Variants in ARIH2 observed in about 807,000 individuals in gnomAD.
ARIH2 encodes the protein E3 ubiquitin-protein ligase ARIH2.
ARIH2 carries 12 observed loss-of-function variants against 79.8 expected under a neutral mutation model. The observed-to-expected ratio is 0.15, with a 90% CI of 0.10 to 0.24. The LOEUF (loss-of-function observed/expected upper bound fraction) is 0.24, where lower values mean the gene tolerates loss of function less well. Ranked by LOEUF, ARIH2 falls within the 10% of genes least tolerant of loss-of-function variation. The probability of loss-of-function intolerance (pLI) is 1.00; values close to 1 mark genes in which losing one functional copy is unlikely to be tolerated. For synonymous variants in ARIH2, 224 were observed against 213.9 expected (o/e 1.05, Z -0.41); for missense variants, 301 against 618.3 (o/e 0.49, Z 5.44).
At chr3:48,944,946 C>T in intron 3 of ARIH2, 1 of 402,398 alleles carries the variant, frequency 2.5e-6, no homozygotes, top group Non-Finnish European at 4.7e-6. Flanking sequence ...GAAGCTGGCC[C>T]ACAGTTCACT....
At chr3:48,957,436 G>T (rs2107485727) in intron 3 of ARIH2, among the ~76,000 whole-genome samples, 1 of 152,314 alleles carries the variant, frequency 6.6e-6, no homozygotes, top group East Asian at 1.9e-4. Flanking sequence ...GGGCTTTGTG[G>T]ATCTGTGAGT....
intron 3 of ARIH2, chr3:48,934,981 ATTTATAT>A (rs2086914060): frequency 1.0e-6 from 1 of 981,992 alleles, no homozygotes; most frequent in Admixed American, 6.2e-5. Flanking sequence ...TTTTTTTGAC[ATTTATAT>A]TTTAATCTTG....
chr3:48,980,512 C>G lies in ARIH2; in HGVS notation c.1257+16C>G, dbSNP rs775636276. 6.2e-7 allele frequency: 1 copy of G among 1,612,890 alleles called. No homozygotes were observed. Among genetic ancestry groups the G allele is most frequent in the African/African-American group, 1.3e-5 (1 of 75,018 alleles). ...CTTGGCCAAGGTATCTACCACTTCA[C>G]TCATCTTATCCCTGGTCCAGTGCCT... On this transcript the variant is annotated intron_variant, in intron 13 of 15. Coordinates refer to ENST00000356401, the MANE Select transcript of ARIH2 (RefSeq NM_006321.4).
At chr3:48,969,134 A>G (rs1349895777) in intron 7 of ARIH2, among the ~76,000 whole-genome samples, 1 of 151,274 alleles carries the variant, frequency 6.6e-6, no homozygotes, top group Non-Finnish European at 1.5e-5. Flanking sequence ...CGGCCTCCCA[A>G]AGTGCTGGGA....
intron 6 of ARIH2, among the ~76,000 whole-genome samples, chr3:48,967,724 C>T (rs2091895385): frequency 6.6e-6 from 1 of 152,172 alleles, no homozygotes; most frequent in African/African-American, 2.4e-5. Flanking sequence ...TCTGCAAAGT[C>T]CCACAATTGG....
chr3:48,923,041 A>G (rs921692841), intron 2 of ARIH2, among the ~76,000 whole-genome samples: 2 of 152,016 alleles, frequency 1.3e-5, no homozygotes, highest in Non-Finnish European at 2.9e-5. Context: ...CCCCGTCTCT[A>G]CTGAAAATAC....
intron 1 of ARIH2, chr3:48,919,470 G>T: frequency 4.1e-6 from 1 of 246,344 alleles, no homozygotes; most frequent in Non-Finnish European, 7.8e-6. Context: ...CCGGAGCTGT[G>T]CCGCCGCCTC....
rs527604219 is a variant in ARIH2, at chr3:48,946,937, A to G, written c.256-14675A>G. 8.5e-5 allele frequency among the ~76,000 whole-genome samples: 13 copies of G among 152,254 alleles called. No individual in the cohort carries two copies. The South Asian group carries it at 2.5e-3, about 29-fold the overall frequency. On this transcript the variant is annotated intron_variant, in intron 3 of 15. Transcript: ENST00000356401. ...CCTTGCTCATACACTTTCCTTCCCTAGCTCCCGGTAAAATGAGAGAGTTCT... is the reference window on the plus strand; with the variant it reads ...CCTTGCTCATACACTTTCCTTCCCTGGCTCCCGGTAAAATGAGAGAGTTCT...
At chr3:48,938,046 CAAA>C (rs5848862) in intron 3 of ARIH2, among the ~76,000 whole-genome samples, 1 of 105,914 alleles carries the variant, frequency 9.4e-6, no homozygotes, top group Non-Finnish European at 1.9e-5. Context: ...GACTCCGTCT[CAAA>C]AAAAAAAAAA....
chr3:48,957,510 G>A (rs73082331), intron 3 of ARIH2, among the ~76,000 whole-genome samples: 13,934 of 152,116 alleles, frequency 0.092, 925 homozygotes, highest in South Asian at 0.15. Context: ...GGCAGCTGTT[G>A]GACATGGTCA....
intron 1 of ARIH2, among the ~76,000 whole-genome samples, chr3:48,920,426 T>C (rs1313682823): frequency 1.6e-5 from 2 of 125,504 alleles, no homozygotes; most frequent in Non-Finnish European, 3.3e-5. Context: ...CTCTCTTTTT[T>C]TTTTGGAGGA....
At chr3:48,954,067 A>G (rs1272250556) in intron 3 of ARIH2, among the ~76,000 whole-genome samples, 4 of 152,080 alleles carry the variant, frequency 2.6e-5, no homozygotes, top group African/African-American at 9.7e-5. Flanking sequence ...AGGCCGAGAC[A>G]GGAGAATCGC....
chr3:48,919,781 G>A (rs2084512616), intron 1 of ARIH2, among the ~76,000 whole-genome samples: 1 of 152,194 alleles, frequency 6.6e-6, no homozygotes, highest in Admixed American at 6.6e-5. Flanking sequence ...CGAAATTGCT[G>A]ATTTCTAGTT....
chr3:48,940,746 G>C (rs1397578276), intron 3 of ARIH2, among the ~76,000 whole-genome samples: 1 of 141,156 alleles, frequency 7.1e-6, no homozygotes, highest in Non-Finnish European at 1.5e-5. Flanking sequence ...AGTGAGCTGA[G>C]ATTGCACCAC....
chr3:48,927,645 A>C lies in ARIH2; in HGVS notation c.87A>C (p.Glu29Asp), dbSNP rs34221642. 72,355 of 1,613,650 alleles carry C rather than the reference A, an allele frequency of 0.045. 1,951 individuals carry two copies. The highest frequency in any genetic ancestry group is 0.055 in the Non-Finnish European group (65,136 of 1,179,772). ...PNCEEEEEEEEDDPGDIEDYY... is the reference protein window; with the variant it reads ...PNCEEEEEEEDDDPGDIEDYY... ...GTGAGGAAGAGGAAGAAGAAGAAGA[A>C]GACGACCCTGGGGACATAGAGGACT... Residue 29 changes from glutamate (E) to aspartate (D), a missense_variant, in exon 3 of 16, where the codon GAA becomes GAC. Transcript: ENST00000356401.
At chr3:48,969,489 TTC>T (rs2092039398) in intron 7 of ARIH2, among the ~76,000 whole-genome samples, 3 of 149,778 alleles carry the variant, frequency 2.0e-5, no homozygotes, top group African/African-American at 4.9e-5. Flanking sequence ...TTTCTTTTTC[TTC>T]TTTTTTTTTT....
Position 48,940,402 on chromosome 3 carries a change from C to T in ARIH2, c.255+12589C>T, listed in dbSNP as rs544619250. On this transcript the variant is annotated intron_variant, in intron 3 of 15. Coordinates refer to ENST00000356401, the MANE Select transcript of ARIH2 (RefSeq NM_006321.4). ...GATAGATAAAAAGAGAGAGAGAGAG[C>T]GCACAAGTGAGCCAAGTCTGGATGC... Among the ~76,000 whole-genome samples the T allele has an allele frequency of 2.8e-3, 430 of 151,804 alleles. 4 individuals are homozygous for T. The highest frequency in any genetic ancestry group is 9.8e-3 in the African/African-American group (407 of 41,434).
chr3:48,923,139 A>G (rs9284886), intron 2 of ARIH2, among the ~76,000 whole-genome samples: 123,412 of 150,888 alleles, frequency 0.82, 50,839 homozygotes, highest in East Asian at 1. Flanking sequence ...CCCGGGAGGC[A>G]GAGCTTGCAG....
intron 2 of ARIH2, chr3:48,926,631 A>C (rs1291321499): frequency 6.6e-6 from 1 of 151,686 alleles, no homozygotes; most frequent in Non-Finnish European, 1.5e-5. Flanking sequence ...GCTCACTGTA[A>C]ACTCTGCCTC....
Sources: gnomAD v4.1 joint callset for allele counts (sites outside exome capture counted in the v4.1 genomes callset) on GRCh38, gnomAD v4.1.1 for gene constraint, MANE v1.5 for transcripts, NCBI Gene and HGNC (gene_info 2026-07-23, HGNC 2026-07-21) for gene names.